The following ATP13A2 variants were observed in gnomAD, a reference collection of about 807,000 sequenced individuals.
ATP13A2 encodes the protein ATPase cation transporting 13A2.
Under a neutral mutation model 138.3 loss-of-function variants are expected in ATP13A2, and 83 were observed. The ratio of observed to expected loss-of-function variants is 0.60; its 90% CI spans 0.50 to 0.72. The LOEUF is 0.72. ATP13A2 is among the 30% of genes least tolerant of loss of function. ATP13A2 has a pLI of 0.00. For missense variants in ATP13A2, 1,402 were observed against 1,606.4 expected (o/e 0.87, Z 2.17); for synonymous variants, 663 against 699.0 (o/e 0.95, Z 0.81).
chr1:17,010,172 G>C (rs997921890), intron 1 of ATP13A2, among the ~76,000 whole-genome samples: 1 of 134,480 alleles, frequency 7.4e-6, no homozygotes, highest in Non-Finnish European at 1.6e-5. Flanking sequence ...CCACCTCCCA[G>C]GTTCAAGCAA....
chr1:16,992,628 A>G lies in ATP13A2; in HGVS notation c.1750-47T>C, dbSNP rs1358430270. ...TTGGTGTCTGGGGGCTTTGGCTCAC[A>G]GAGAGATTTGAGCTAGACTCAGGGA... On this transcript the variant is annotated intron_variant, in intron 16 of 28. Transcript: ENST00000326735. 7 of 1,598,560 alleles carry G rather than the reference A, an allele frequency of 4.4e-6. No individual in the cohort carries two copies. The East Asian group carries it at 1.3e-4, about 31-fold the overall frequency.
chr1:17,008,564 C>T (rs1309858324), intron 1 of ATP13A2, among the ~76,000 whole-genome samples: 2 of 152,178 alleles, frequency 1.3e-5, no homozygotes, highest in Admixed American at 6.5e-5. Context: ...ATCCATTTCC[C>T]AGGCTCTCTT....
At chr1:17,000,368 T>G in intron 9 of ATP13A2, 32 bp downstream of exon 9, 1 of 1,598,220 alleles carries the variant, frequency 6.3e-7, no homozygotes, top group Non-Finnish European at 8.5e-7. Flanking sequence ...GGGACCCACC[T>G]GTCCCGTCCC....
intron 8 of ATP13A2, 121 bp from the exon 9 acceptor site, chr1:17,000,655 G>T: frequency 1.5e-6 from 2 of 1,320,098 alleles, no homozygotes; most frequent in Non-Finnish European, 2.1e-6. Flanking sequence ...CTGGAGCCAG[G>T]CCTTTCTCCT....
In ATP13A2 at chr1:16,992,563, C is replaced by T; in HGVS notation, c.1768G>A (p.Ala590Thr). ...STGWVLEEEP[A>T]ADSAFGTQVL... The stretch of plus-strand genomic sequence containing the variant: ...TGGGTCCCAAATGCTGAGTCTGCAG[C>T]CGGCTCTTCCTCCAGGACCTGGCAG... The change falls in exon 17 of 29, where the codon GCT becomes ACT. Residue 590 changes from alanine to threonine, a missense_variant. Coordinates refer to ENST00000326735, the MANE Select transcript of ATP13A2 (RefSeq NM_022089.4). 1 of 1,614,178 alleles carries T rather than the reference C, an allele frequency of 6.2e-7. No homozygotes were observed. Among genetic ancestry groups the T allele is most frequent in the Non-Finnish European group, 8.5e-7 (1 of 1,180,020 alleles).
chr1:17,005,292 C>T (rs1365905911), intron 3 of ATP13A2, 82 bp downstream of exon 3: 18 of 1,535,748 alleles, frequency 1.2e-5, no homozygotes, highest in Admixed American at 9.8e-5. Context: ...AGTCAGTGGC[C>T]GGGTTGGCAC....
Position 16,997,116 on chromosome 1 carries a change from C to T in ATP13A2, c.1099G>A (p.Glu367Lys), listed in dbSNP as rs770576740. 4.6e-5 allele frequency: 75 copies of T among 1,613,702 alleles called. No homozygotes were observed. Among genetic ancestry groups the T allele is most frequent in the South Asian group, 1.1e-4 (10 of 91,090 alleles). ...LPEGLGPYCAETHRRHTLFCG... is the reference protein window; with the variant it reads ...LPEGLGPYCAKTHRRHTLFCG... Reference sequence around the variant, plus strand: ...AAGAGTGTGTGCCGCCGGTGTGTCTCTGCACAGTAGGGCCCCAGCCCCTCC... The same window carrying T: ...AAGAGTGTGTGCCGCCGGTGTGTCTTTGCACAGTAGGGCCCCAGCCCCTCC... Residue 367 changes from glutamate to lysine, a missense_variant, in exon 12 of 29, where the codon GAG becomes AAG. Transcript: ENST00000326735.
chr1:16,988,271 T>C (rs2076805925), intron 24 of ATP13A2, 37 bp from the exon 25 acceptor site: 1 of 1,614,060 alleles, frequency 6.2e-7, no homozygotes, highest in Admixed American at 1.7e-5. Context: ...GGACCCAGGT[T>C]GGCTGACCAG....
chr1:16,994,662 G>A (rs1191354379), intron 15 of ATP13A2, among the ~76,000 whole-genome samples: 1 of 150,982 alleles, frequency 6.6e-6, no homozygotes, highest in Non-Finnish European at 1.5e-5. Flanking sequence ...CCCCCTCCCC[G>A]GTTTATTTAT....
chr1:17,004,666 G>C lies in ATP13A2; in HGVS notation c.477+26C>G. 1 of 1,612,668 alleles carries C rather than the reference G, an allele frequency of 6.2e-7. No individual in the cohort carries two copies. Among genetic ancestry groups the C allele is most frequent in the South Asian group, 1.1e-5 (1 of 91,076 alleles). ...AGATCATGAAACCGAGGCCGAGAGA[G>C]GGGCAAGGACTTTTTCAGAACCCAC... On this transcript the variant is annotated intron_variant, in intron 5 of 28. Coordinates refer to ENST00000326735, the MANE Select transcript of ATP13A2 (RefSeq NM_022089.4). This position sits in a 1 kb window ranked among gnomAD's most constrained non-coding sequence, Gnocchi z 4.1.
In ATP13A2 at chr1:16,992,277, C is replaced by T. The variant is rs781641063; in HGVS notation, c.1971G>A (p.Pro657=). Reference sequence around the variant, plus strand: ...GGTTGCAGAGCCCTGCCACCAGCTCCGGGGAGCCTTTGACGTAGGCCTCGG... The same window carrying T: ...GGTTGCAGAGCCCTGCCACCAGCTCTGGGGAGCCTTTGACGTAGGCCTCGG... ...TQPEAYVKGS[P]ELVAGLCNPE... The change falls in exon 18 of 29, where the codon CCG becomes CCA. Residue 657 remains proline (P), a synonymous_variant. Transcript: ENST00000326735. The T allele has an allele frequency of 5.6e-6, 9 of 1,612,590 alleles. No individual in the cohort carries two copies. The highest frequency in any genetic ancestry group is 1.1e-5 in the South Asian group (1 of 91,042).
At chr1:17,007,793 C>T (rs543767207) in intron 1 of ATP13A2, among the ~76,000 whole-genome samples, 86 of 152,180 alleles carry the variant, frequency 5.7e-4, no homozygotes, top group African/African-American at 1.9e-3. Flanking sequence ...CCTCGTGATC[C>T]GCCCGCCTCG....
intron 11 of ATP13A2, among the ~76,000 whole-genome samples, chr1:16,998,123 G>A (rs1002960710): frequency 1.7e-4 from 26 of 152,336 alleles, no homozygotes; most frequent in Middle Eastern, 3.4e-3. Flanking sequence ...CACAAGAGAT[G>A]AGCAGATGAA....
chr1:16,993,083 A>G (rs1004374894), intron 16 of ATP13A2, among the ~76,000 whole-genome samples: 2 of 151,928 alleles, frequency 1.3e-5, no homozygotes, highest in Admixed American at 1.3e-4. Flanking sequence ...CACTTGGCTA[A>G]TTTTTGTATT....
chr1:16,994,243 T>C (rs2077039595), intron 15 of ATP13A2, among the ~76,000 whole-genome samples: 1 of 152,056 alleles, frequency 6.6e-6, no homozygotes. Context: ...TATTTATTTT[T>C]ATTTTTTGAG....
At chr1:16,989,248 G>A (rs1337388274) in intron 23 of ATP13A2, among the ~76,000 whole-genome samples, 1 of 152,158 alleles carries the variant, frequency 6.6e-6, no homozygotes, top group Non-Finnish European at 1.5e-5. Flanking sequence ...GTCTCGCTCT[G>A]TTGCCCAGGC....
Position 17,004,189 on chromosome 1 carries a change from G to T in ATP13A2, c.557+143C>A. 1.2e-6 allele frequency: 1 copy of T among 808,798 alleles called. No individual in the cohort carries two copies. The highest frequency in any genetic ancestry group is 2.1e-6 in the Non-Finnish European group (1 of 473,046). 50.1% of individuals were successfully genotyped at this position (808,798 alleles called of 1,614,324 possible). On this transcript the variant is annotated intron_variant, in intron 6 of 28. Transcript: ENST00000326735. The surrounding 1 kb of genome is among the most constrained non-coding windows in gnomAD (Gnocchi z 4.1). ...TATAGACAGAGATCCCAGGCCTGGAGGGGCTCAGTAACCTGCCCAAGGTTT... is the reference window on the plus strand; with the variant it reads ...TATAGACAGAGATCCCAGGCCTGGATGGGCTCAGTAACCTGCCCAAGGTTT...
At chr1:16,988,610 G>T in intron 23 of ATP13A2, 136 bp from the exon 24 acceptor site, 1 of 820,356 alleles carries the variant, frequency 1.2e-6, no homozygotes, top group Non-Finnish European at 2.0e-6. Context: ...GTGAATAGAT[G>T]CAATTATTAT....
At chr1:16,996,788 C>A (rs936221390) in intron 12 of ATP13A2, 5 of 652,236 alleles carry the variant, frequency 7.7e-6, no homozygotes, top group South Asian at 1.9e-5. Context: ...AGCACTGTAA[C>A]CCCGGCGGCT....
Sources: allele counts gnomAD v4.1 joint callset (sites outside exome capture counted in the v4.1 genomes callset), GRCh38; gene constraint gnomAD v4.1.1; non-coding constraint Gnocchi (gnomAD v3.1); transcripts MANE v1.5; gene names NCBI Gene and HGNC (gene_info 2026-07-23, HGNC 2026-07-21).